ZBTB24: variants seen among roughly 807,000 people sequenced by gnomAD.
ZBTB24 encodes zinc finger and BTB domain containing 24, also known as zinc finger and BTB domain-containing protein 24.
A neutral mutation model predicts 53.8 loss-of-function variants in ZBTB24; 32 were observed. The observed-to-expected ratio is 0.60, with a 90% CI of 0.45 to 0.80. ZBTB24 has a LOEUF of 0.80. Ranked by LOEUF, ZBTB24 falls within the 30% of genes least tolerant of loss-of-function variation. The pLI is 0.00. For synonymous variants in ZBTB24, 297 were observed against 306.7 expected, an observed-to-expected ratio of 0.97 and a Z score of 0.33; for missense variants, 722 against 837.1, an observed-to-expected ratio of 0.86 and a Z score of 1.70.
At position 109,463,149 on chromosome 6, in the gene ZBTB24, G is replaced by C. The variant is rs756724383; in HGVS notation, c.*2702C>G. ...TTACAGGGGTACACCACCACGCCCA[G>C]CTAATTTTTGTATTTTTAGTAGAGA... On this transcript the variant is annotated 3_prime_UTR_variant, in exon 7 of 7. Coordinates refer to ENST00000230122, the MANE Select transcript of ZBTB24 (RefSeq NM_014797.3). 6.6e-6 allele frequency: 1 copy of C among 152,202 alleles called. No homozygotes were observed. The highest frequency in any genetic ancestry group is 1.5e-5 in the Non-Finnish European group (1 of 68,076). 9.4% of individuals were successfully genotyped at this position (152,202 alleles called of 1,614,324 possible). A position where few individuals can be genotyped will look rare whatever the true frequency, so the allele number is the denominator to read the frequency against.
Position 109,468,692 on chromosome 6 carries a change from T to C in ZBTB24, c.1289-958A>G, listed in dbSNP as rs370687918. Among the ~76,000 whole-genome samples the C allele has an allele frequency of 5.9e-5, 9 of 152,322 alleles. No homozygotes were observed. In the East Asian group the frequency reaches 1.5e-3, roughly 26 times the overall value. ...AACTTGTGGGTATGTCTGCTCCTAG[T>C]ACCCCAGTGCCGAGAATCTGGCCTG... On this transcript the variant is annotated intron_variant, in intron 5 of 6. Coordinates refer to ENST00000230122, the MANE Select transcript of ZBTB24 (RefSeq NM_014797.3).
At chr6:109,475,584 A>C in intron 4 of ZBTB24, 102 bp from the exon 5 acceptor site, 1 of 1,421,556 alleles carries the variant, frequency 7.0e-7, no homozygotes, top group Non-Finnish European at 9.8e-7. Context: ...ATCACTTTAA[A>C]TATAGTACTT....
In ZBTB24 at chr6:109,463,697, A is replaced by G. The variant is rs1431372054; in HGVS notation, c.*2154T>C. ...TTAGCATCCAAATGGAGATGTGCAG[A>G]AAGTGTAAAATACACACCAGATTTC... On this transcript the variant is annotated 3_prime_UTR_variant, in exon 7 of 7. Coordinates refer to ENST00000230122, the MANE Select transcript of ZBTB24 (RefSeq NM_014797.3). 6.6e-6 allele frequency: 1 copy of G among 152,254 alleles called. No homozygotes were observed. The highest frequency in any genetic ancestry group is 2.4e-5 in the African/African-American group (1 of 41,472). 9.4% of individuals were successfully genotyped at this position (152,254 alleles called of 1,614,324 possible).
In ZBTB24 at chr6:109,466,088, G is replaced by A. The variant is rs368528986; in HGVS notation, c.1857C>T (p.Ser619=). ...AQQEQTEHIQ[S]LNMIESQMGP... is the part of the protein sequence containing the mutation. Reference sequence around the variant, plus strand: ...CCATCTGGCTTTCAATCATATTGAGGCTCTGAATGTGTTCTGTTTGCTCCT... The same window carrying A: ...CCATCTGGCTTTCAATCATATTGAGACTCTGAATGTGTTCTGTTTGCTCCT... Residue 619 remains serine (S), a synonymous_variant, in exon 7 of 7, where the codon AGC becomes AGT. Coordinates refer to ENST00000230122, the MANE Select transcript of ZBTB24 (RefSeq NM_014797.3). The A allele has an allele frequency of 1.8e-5, 29 of 1,614,098 alleles. No homozygotes were observed. Among genetic ancestry groups the A allele is most frequent in the African/African-American group, 4.0e-5 (3 of 74,942 alleles).
At chr6:109,466,614 C>A in intron 6 of ZBTB24, 40 bp from the exon 7 acceptor site, 2 of 1,598,958 alleles carry the variant, frequency 1.3e-6, no homozygotes, top group Non-Finnish European at 1.7e-6. Context: ...AATGGAAATA[C>A]CTACTTACTA....
chr6:109,480,051 A>T (rs1386228302), intron 2 of ZBTB24, among the ~76,000 whole-genome samples: 1 of 151,882 alleles, frequency 6.6e-6, no homozygotes, highest in Non-Finnish European at 1.5e-5. Context: ...GTCTTTAGGG[A>T]GCTTTTAAAA....
At position 109,473,505 on chromosome 6, in the gene ZBTB24, A is replaced by C. The variant is rs528943083; in HGVS notation, c.1288+1894T>G. ...CTCATCTGTGAGACCTTCCCAAACC[A>C]GTCCATGCATAAAAGAGCAACTCTC... On this transcript the variant is annotated intron_variant, in intron 5 of 6. Transcript: ENST00000230122. Among the ~76,000 whole-genome samples the C allele has an allele frequency of 2.6e-4, 40 of 152,202 alleles. No individual in the cohort carries two copies. The South Asian group carries it at 7.9e-3, about 30-fold the overall frequency.
At chr6:109,474,407 T>G (rs1483483248) in intron 5 of ZBTB24, among the ~76,000 whole-genome samples, 1 of 152,124 alleles carries the variant, frequency 6.6e-6, no homozygotes, top group East Asian at 1.9e-4. Flanking sequence ...ATGCTACATT[T>G]GTGTCTGTTA....
At position 109,481,936 on chromosome 6, in the gene ZBTB24, T is replaced by C; in HGVS notation, c.91A>G (p.Arg31Gly). The C allele has an allele frequency of 1.9e-6, 3 of 1,614,202 alleles. No homozygotes were observed. The highest frequency in any genetic ancestry group is 2.5e-6 in the Non-Finnish European group (3 of 1,180,014). The change falls in exon 2 of 7, where the codon AGG (arginine) becomes GGG (glycine). Residue 31 changes from arginine (R) to glycine (G), a missense_variant. Physicochemically the swap from Arg to Gly is moderately radical, Grantham distance 125 (BLOSUM62 -2). Transcript: ENST00000230122. ...DTVLASFEDQ[R>G]KKGFLCDITL... is the part of the protein sequence containing the mutation. ...ATGTCACAGAGGAAGCCTTTCTTCC[T>C]CTGATCCTCAAAACTGGCCAGCACA...
In ZBTB24 at chr6:109,481,577, G is replaced by A. The variant is rs1449170120; in HGVS notation, c.450C>T (p.Ile150=). ...LNTAGAPVVV[I]SNKKNDPPKR... ...TTGGAGGATCGTTTTTCTTATTAGA[G>A]ATAACAACCACTGGGGCACCAGCAG... The change falls in exon 2 of 7, where the codon ATC becomes ATT. Residue 150 remains isoleucine, a synonymous_variant. Transcript: ENST00000230122. 1 of 1,614,148 alleles carries A rather than the reference G, an allele frequency of 6.2e-7. No homozygotes were observed. Among genetic ancestry groups the A allele is most frequent in the South Asian group, 1.1e-5 (1 of 91,090 alleles).
intron 1 of ZBTB24, among the ~76,000 whole-genome samples, chr6:109,482,489 T>C (rs1412491212): frequency 1.4e-5 from 2 of 141,644 alleles, no homozygotes; most frequent in African/African-American, 2.6e-5. Flanking sequence ...CAAAACAACT[T>C]AGCTCGCGGT....
At chr6:109,482,843 G>A (rs945973883) in intron 1 of ZBTB24, among the ~76,000 whole-genome samples, 1 of 152,166 alleles carries the variant, frequency 6.6e-6, no homozygotes, top group African/African-American at 2.4e-5. Context: ...ATGTGCACGT[G>A]CAAAGTGAAT....
intron 5 of ZBTB24, 22 bp downstream of exon 5, chr6:109,475,377 G>C (rs1776257961): frequency 6.2e-7 from 1 of 1,613,690 alleles, no homozygotes. Context: ...GTACTGGGGG[G>C]ACAGACGAGA....
intron 2 of ZBTB24, among the ~76,000 whole-genome samples, chr6:109,479,262 G>A (rs1776345658): frequency 6.6e-6 from 1 of 152,134 alleles, no homozygotes; most frequent in East Asian, 1.9e-4. Context: ...GACTTATGAT[G>A]GGACTACATC....
intron 5 of ZBTB24, among the ~76,000 whole-genome samples, chr6:109,474,604 C>T (rs987210365): frequency 3.9e-5 from 6 of 152,060 alleles, no homozygotes; most frequent in Admixed American, 1.3e-4. Context: ...CATGGTAGCG[C>T]ACACCTATAG....
chr6:109,478,690 GAAAT>G (rs1435470613), intron 2 of ZBTB24, among the ~76,000 whole-genome samples: 2 of 152,018 alleles, frequency 1.3e-5, no homozygotes, highest in African/African-American at 4.8e-5. Context: ...AACAGCCTAA[GAAAT>G]AAATAAAATA....
At chr6:109,468,987 A>C (rs146267828) in intron 5 of ZBTB24, among the ~76,000 whole-genome samples, 209 of 152,202 alleles carry the variant, frequency 1.4e-3, no homozygotes, top group Non-Finnish European at 2.7e-3. Context: ...ACAGGAGAAC[A>C]GCAAAGGATA....
In ZBTB24 at chr6:109,481,752, T is replaced by C; in HGVS notation, c.275A>G (p.Glu92Gly). Residue 92 changes from glutamate to glycine, a missense_variant, in exon 2 of 7, where the codon GAA becomes GGA. Transcript: ENST00000230122. Reference protein sequence around the residue: ...MVADTFGILLEFIYTGYLHAS... With the variant: ...MVADTFGILLGFIYTGYLHAS... Reference sequence around the variant, plus strand: ...ATGGAGATAACCTGTGTAGATAAATTCCAGCAGGATACCAAAGGTGTCTGC... The same window carrying C: ...ATGGAGATAACCTGTGTAGATAAATCCCAGCAGGATACCAAAGGTGTCTGC... The C allele has an allele frequency of 6.2e-7, 1 of 1,613,936 alleles. No individual in the cohort carries two copies. Among genetic ancestry groups the C allele is most frequent in the Non-Finnish European group, 8.5e-7 (1 of 1,179,962 alleles).
chr6:109,466,368 C>G lies in ZBTB24; in HGVS notation c.1577G>C (p.Gly526Ala), dbSNP rs1365857808. The part of the protein sequence containing the change: ...KHASDASSIS[G>A]SSNTEEVRNI... Reference sequence around the variant, plus strand: ...CCTGACCTCTTCTGTATTACTACTGCCAGAAATGCTGCTGGCATCTGAAGC... The same window carrying G: ...CCTGACCTCTTCTGTATTACTACTGGCAGAAATGCTGCTGGCATCTGAAGC... Residue 526 changes from glycine (G) to alanine (A), a missense_variant, in exon 7 of 7, where the codon GGC becomes GCC. Transcript: ENST00000230122. 1 of 1,614,060 alleles carries G rather than the reference C, an allele frequency of 6.2e-7. No individual in the cohort carries two copies. The highest frequency in any genetic ancestry group is 8.5e-7 in the Non-Finnish European group (1 of 1,180,044).
Sources: allele counts gnomAD v4.1 joint callset (sites outside exome capture counted in the v4.1 genomes callset), GRCh38; gene constraint gnomAD v4.1.1; transcripts MANE v1.5; gene names NCBI Gene and HGNC (gene_info 2026-07-23, HGNC 2026-07-21).